LMTK2: variants seen among roughly 807,000 people sequenced by gnomAD.
LMTK2 encodes the protein lemur tail kinase 2.
A neutral mutation model predicts 127.5 loss-of-function variants in LMTK2; 37 were observed. The observed-to-expected ratio is 0.29, with a 90% confidence interval of 0.22 to 0.38. The LOEUF is 0.38. LMTK2 is among the 10% of genes least tolerant of loss of function. The pLI is 1.00. For synonymous variants in LMTK2, 819 were observed against 810.1 expected (o/e 1.01, Z -0.19); for missense variants, 1,694 against 1,920.3 (o/e 0.88, Z 2.20).
At chr7:98,161,463 A>G (rs1390097817) in intron 6 of LMTK2, among the ~76,000 whole-genome samples, 4 of 152,166 alleles carry the variant, frequency 2.6e-5, no homozygotes, top group Non-Finnish European at 5.9e-5. Context: ...GTAAGGCAGC[A>G]TGCTGCACCT....
In LMTK2 at chr7:98,140,098, CT is replaced by C. The variant is rs1646917809; in HGVS notation, c.232-1296del. Among the ~76,000 whole-genome samples, 3 of 2,540 alleles carry C rather than the reference CT, an allele frequency of 1.2e-3. 1 individual carries two copies. Among genetic ancestry groups the C allele is most frequent in the African/African-American group, 3.9e-3 (3 of 778 alleles). 1.7% of individuals were successfully genotyped at this position (2,540 alleles called of 152,430 possible). Reference sequence around the variant, plus strand: ...CACAACTTTCTTTCTTTCTTTCTTTCTTTCTTTCTTTCTTTCTTTCTTTCTT... The same window carrying C: ...CACAACTTTCTTTCTTTCTTTCTTTCTTCTTTCTTTCTTTCTTTCTTTCTT... On this transcript the variant is annotated intron_variant, in intron 2 of 13. Coordinates refer to ENST00000297293, the MANE Select transcript of LMTK2 (RefSeq NM_014916.4).
Position 98,195,032 on chromosome 7 carries a change from G to GT in LMTK2, c.4107+468dup, listed in dbSNP as rs796132822. On this transcript the variant is annotated intron_variant, in intron 11 of 13. Transcript: ENST00000297293. ...CACCATGGCTGGCTAAGGTTTTGGT[G>GT]TTTTTTTTGTTTTGTTTTGTTTTTA... is the stretch of plus-strand genomic sequence containing the variant. Among the ~76,000 whole-genome samples the GT allele has an allele frequency of 1.6e-4, 25 of 151,738 alleles. 1 individual carries two copies. In the South Asian group the frequency reaches 4.0e-3, roughly 24 times the overall value.
At chr7:98,187,877 G>A (rs10269563) in intron 9 of LMTK2, among the ~76,000 whole-genome samples, 8,792 of 152,182 alleles carry the variant, frequency 0.058, 657 homozygotes, top group East Asian at 0.36. Context: ...GATTACAGGC[G>A]TGAGCCACCG....
At chr7:98,110,264 C>T (rs1161851273) in intron 1 of LMTK2, among the ~76,000 whole-genome samples, 1 of 152,152 alleles carries the variant, frequency 6.6e-6, no homozygotes, top group African/African-American at 2.4e-5. Flanking sequence ...TTTTCTTATT[C>T]AGTCATAATA....
At chr7:98,166,036 G>A (rs1797093109) in intron 6 of LMTK2, among the ~76,000 whole-genome samples, 1 of 152,260 alleles carries the variant, frequency 6.6e-6, no homozygotes, top group African/African-American at 2.4e-5. Flanking sequence ...CCCTGCCAAT[G>A]GCCTTGGCCC....
intron 3 of LMTK2, among the ~76,000 whole-genome samples, chr7:98,150,128 T>C (rs1165196430): frequency 2.0e-5 from 3 of 151,788 alleles, no homozygotes; most frequent in African/African-American, 7.3e-5. Context: ...GTCAATATGG[T>C]GAAACCCTGT....
chr7:98,165,728 G>T lies in LMTK2; in HGVS notation c.658-5813G>T, dbSNP rs559132751. 8.5e-5 allele frequency among the ~76,000 whole-genome samples: 13 copies of T among 152,234 alleles called. No individual in the cohort carries two copies. The East Asian group carries it at 2.3e-3, about 27-fold the overall frequency. ...TCTTTATGAATGTAGTTATTAATAA[G>T]CCCCATGCACCAGGGCACCTCAGTT... is the stretch of plus-strand genomic sequence containing the variant. On this transcript the variant is annotated intron_variant, in intron 6 of 13. Transcript: ENST00000297293.
At chr7:98,165,391 C>T (rs1797079568) in intron 6 of LMTK2, among the ~76,000 whole-genome samples, 1 of 152,196 alleles carries the variant, frequency 6.6e-6, no homozygotes, top group Non-Finnish European at 1.5e-5. Context: ...CTGCGTGTGT[C>T]AGGGTTGGTG....
In LMTK2 at chr7:98,107,209, TGC is replaced by T; in HGVS notation, c.33_34del (p.Leu12AlafsTer58). ...GGGCCGCCGGCGTTGCGGCGGAGGC[TGC>T]TGCTGCTGCTGCTGGTCCTCCTGAT... On this transcript the variant is annotated frameshift_variant, in exon 1 of 14. Transcript: ENST00000297293. LOFTEE classifies it high-confidence loss of function. 1 of 1,294,534 alleles carries T rather than the reference TGC, an allele frequency of 7.7e-7. No homozygotes were observed. Among genetic ancestry groups the T allele is most frequent in the Non-Finnish European group, 1.0e-6 (1 of 997,590 alleles). 80.2% of individuals were successfully genotyped at this position (1,294,534 alleles called of 1,614,324 possible). A position where few individuals can be genotyped will look rare whatever the true frequency, so the allele number is the denominator to read the frequency against.
chr7:98,190,577 C>T (rs1185941729), intron 9 of LMTK2, 151 bp from the exon 10 acceptor site: 10 of 807,620 alleles, frequency 1.2e-5, no homozygotes, highest in Non-Finnish European at 2.0e-5. Flanking sequence ...GAGACTCTGT[C>T]TTAAAACAAC....
At chr7:98,125,075 G>T (rs374236045) in intron 1 of LMTK2, among the ~76,000 whole-genome samples, 1 of 151,504 alleles carries the variant, frequency 6.6e-6, no homozygotes, top group Admixed American at 6.6e-5. Context: ...AGGCCGAGGC[G>T]GGCGGATCAC....
Position 98,192,946 on chromosome 7 carries a change from T to C in LMTK2, c.2481T>C (p.Arg827=), listed in dbSNP as rs767208706. 1.2e-6 allele frequency: 2 copies of C among 1,614,078 alleles called. No homozygotes were observed. The highest frequency in any genetic ancestry group is 4.5e-5 in the East Asian group (2 of 44,886). The change falls in exon 11 of 14, where the codon CGT becomes CGC. Residue 827 remains arginine (R), a synonymous_variant. Coordinates refer to ENST00000297293, the MANE Select transcript of LMTK2 (RefSeq NM_014916.4). ...CCTTCGAAACAGAAGAAACGCCCCGTCGGGTACCCCCAGACTCACTCCCAA... is the reference window on the plus strand; with the variant it reads ...CCTTCGAAACAGAAGAAACGCCCCGCCGGGTACCCCCAGACTCACTCCCAA... ...PTSFETEETP[R]RVPPDSLPTQ... is the part of the protein sequence containing the mutation.
intron 11 of LMTK2, among the ~76,000 whole-genome samples, chr7:98,200,060 T>C (rs545624651): frequency 6.6e-6 from 1 of 152,348 alleles, no homozygotes; most frequent in East Asian, 1.9e-4. Context: ...ATTGAACATT[T>C]TTAGTATTAC....
At chr7:98,161,679 G>A (rs12666406) in intron 6 of LMTK2, among the ~76,000 whole-genome samples, 56,828 of 151,958 alleles carry the variant, frequency 0.37, 13,446 homozygotes, top group Middle Eastern at 0.62. Context: ...TTAGGTTATT[G>A]TGATATAAAA....
At chr7:98,204,868 G>A (rs989635059) in intron 13 of LMTK2, among the ~76,000 whole-genome samples, 6 of 152,188 alleles carry the variant, frequency 3.9e-5, no homozygotes, top group Non-Finnish European at 8.8e-5. Context: ...TCTTCAGCAG[G>A]CTCGTAAGAG....
Position 98,151,469 on chromosome 7 carries a change from C to G in LMTK2, c.450+14C>G, listed in dbSNP as rs1258603987. 6.3e-7 allele frequency: 1 copy of G among 1,590,868 alleles called. No individual in the cohort carries two copies. Among genetic ancestry groups the G allele is most frequent in the East Asian group, 2.2e-5 (1 of 44,740 alleles). ...TGGTTTGGAAAGGTAAGATGCTCTT[C>G]ACTTGCATTTGTTTTCCTCTGAATG... On this transcript the variant is annotated intron_variant, in intron 4 of 13. Coordinates refer to ENST00000297293, the MANE Select transcript of LMTK2 (RefSeq NM_014916.4).
intron 2 of LMTK2, among the ~76,000 whole-genome samples, chr7:98,139,348 C>A (rs1201636697): frequency 6.6e-6 from 1 of 152,192 alleles, no homozygotes; most frequent in Non-Finnish European, 1.5e-5. Flanking sequence ...CTACTGGGCT[C>A]AAGTGATCCT....
intron 5 of LMTK2, among the ~76,000 whole-genome samples, chr7:98,155,684 A>AG (rs1796916926): frequency 6.6e-6 from 1 of 152,220 alleles, no homozygotes; most frequent in African/African-American, 2.4e-5. Flanking sequence ...TCTCCAGAGA[A>AG]AATATCCTTC....
intron 2 of LMTK2, among the ~76,000 whole-genome samples, chr7:98,140,130 CT>C (rs1796659363): frequency 2.8e-5 from 1 of 35,688 alleles, no homozygotes. Flanking sequence ...TTCTTTCTTT[CT>C]TTCTTTCTTT....
Sources: allele counts gnomAD v4.1 joint callset (sites outside exome capture counted in the v4.1 genomes callset), GRCh38; gene constraint gnomAD v4.1.1; transcripts MANE v1.5; gene names NCBI Gene and HGNC (gene_info 2026-07-23, HGNC 2026-07-21).